USP34: variants seen among roughly 807,000 people sequenced by gnomAD.
USP34 encodes the protein ubiquitin specific peptidase 34, also known as ubiquitin carboxyl-terminal hydrolase 34.
In USP34, 70 loss-of-function variants were observed where a neutral mutation model predicts 460.3. That is an observed-to-expected ratio of 0.15 (90% CI 0.13 to 0.19). The LOEUF (loss-of-function observed/expected upper bound fraction) is 0.19, where lower values mean the gene tolerates loss of function less well. Ranked by LOEUF, USP34 falls within the 10% of genes least tolerant of loss-of-function variation. The pLI is 1.00. For missense variants in USP34, 3,985 were observed against 4,236.2 expected (o/e 0.94, Z 1.65); for synonymous variants, 1,647 against 1,405.3 (o/e 1.17, Z -3.85).
intron 22 of USP34, among the ~76,000 whole-genome samples, chr2:61,318,218 T>C (rs559059692): frequency 1.0e-4 from 15 of 149,784 alleles, no homozygotes; most frequent in East Asian, 7.8e-4. Flanking sequence ...TGAAAATATA[T>C]ATGTGATTTA....
chr2:61,188,422 T>A lies in USP34; in HGVS notation c.10321A>T (p.Asn3441Tyr), dbSNP rs764697278. ...RSQHAEEQSN[N>Y]GRYDDCKEFK... ...TCTTTACAATCGTCATATCTACCAT[T>A]GTTGGACTGTTCTTCTGCATGCTGT... The change falls in exon 80 of 80, where the codon AAT becomes TAT. Residue 3441 changes from asparagine to tyrosine, a missense_variant. By Grantham distance (143) the Asn-to-Tyr change is moderately radical. Transcript: ENST00000398571. 1 of 1,614,242 alleles carries A rather than the reference T, an allele frequency of 6.2e-7. No homozygotes were observed. The highest frequency in any genetic ancestry group is 1.1e-5 in the South Asian group (1 of 91,088).
rs752499920 is a variant in USP34, at chr2:61,246,342, G to A, written c.6530C>T (p.Ala2177Val). 6 of 1,565,434 alleles carry A rather than the reference G, an allele frequency of 3.8e-6. No homozygotes were observed. The South Asian group carries it at 6.1e-5, about 16-fold the overall frequency. The part of the protein sequence containing the change: ...SFIRDIVNPH[A>V]YKNNKWYLFN... ...AACTCACCATTTATTGTTTTTATAA[G>A]CATGGGGATTTACTATATCTCTGAT... Residue 2177 changes from alanine (A) to valine (V), a missense_variant, in exon 50 of 80, where the codon GCT becomes GTT. Ala to Val is a moderately conservative substitution (Grantham distance 64). This residue lies in a region of USP34 where 70 missense variants were observed against 78.1 expected (regional missense o/e 0.90). Transcript: ENST00000398571.
chr2:61,239,014 T>C (rs1263158978), intron 53 of USP34, among the ~76,000 whole-genome samples: 1 of 151,762 alleles, frequency 6.6e-6, no homozygotes, highest in African/African-American at 2.4e-5. Context: ...CTATAACCAG[T>C]ATGATTTTTG....
At chr2:61,337,440 AGTTAT>A (rs1442892049) in intron 18 of USP34, among the ~76,000 whole-genome samples, 3 of 151,430 alleles carry the variant, frequency 2.0e-5, no homozygotes, top group Admixed American at 6.6e-5. Flanking sequence ...AAGAATACGT[AGTTAT>A]GTTATGTTAT....
chr2:61,283,370 G>T, intron 36 of USP34, 39 bp downstream of exon 36: 1 of 1,583,464 alleles, frequency 6.3e-7, no homozygotes. Flanking sequence ...TATTATTCAA[G>T]TTTTTATTTA....
chr2:61,375,768 C>CAAAAAAAAAAAAAAAAA (rs56304309), intron 8 of USP34, among the ~76,000 whole-genome samples: 18 of 80,866 alleles, frequency 2.2e-4, no homozygotes, highest in East Asian at 8.3e-4. Flanking sequence ...GACTCTGTCT[C>CAAAAAAAAAAAAAAAAA]AAAAAAAAAA....
chr2:61,381,447 T>C (rs1692972547), intron 6 of USP34, among the ~76,000 whole-genome samples: 1 of 152,130 alleles, frequency 6.6e-6, no homozygotes, highest in Non-Finnish European at 1.5e-5. Context: ...CAAGTGATCC[T>C]TCCACCTCAG....
At chr2:61,314,206 T>C (rs1430665811) in intron 25 of USP34, among the ~76,000 whole-genome samples, 1 of 152,056 alleles carries the variant, frequency 6.6e-6, no homozygotes, top group East Asian at 1.9e-4. Flanking sequence ...CTCAACTTGA[T>C]TCAACTATGA....
At chr2:61,270,111 C>T (rs531574431) in intron 41 of USP34, among the ~76,000 whole-genome samples, 1 of 152,296 alleles carries the variant, frequency 6.6e-6, no homozygotes, top group South Asian at 2.1e-4. Flanking sequence ...TAAATGTTTT[C>T]GTCACTCTGA....
chr2:61,309,665 C>T (rs1690525938), intron 27 of USP34, among the ~76,000 whole-genome samples: 2 of 152,160 alleles, frequency 1.3e-5, no homozygotes, highest in Non-Finnish European at 1.5e-5. Flanking sequence ...TAGAGGACAT[C>T]CATTTCATCC....
At chr2:61,304,276 C>CT (rs1491443700) in intron 27 of USP34, among the ~76,000 whole-genome samples, 2 of 152,212 alleles carry the variant, frequency 1.3e-5, no homozygotes, top group Non-Finnish European at 2.9e-5. Flanking sequence ...TATTAAAACA[C>CT]TCTCAGTCAT....
chr2:61,377,577 T>C (rs756919708), intron 8 of USP34, among the ~76,000 whole-genome samples: 1 of 152,070 alleles, frequency 6.6e-6, no homozygotes, highest in East Asian at 1.9e-4. Flanking sequence ...GAGACCTCTC[T>C]ACCTCTTTCC....
chr2:61,221,462 C>T (rs764283855), intron 66 of USP34, 40 bp downstream of exon 66: 4 of 1,548,648 alleles, frequency 2.6e-6, no homozygotes, highest in Non-Finnish European at 2.6e-6. Flanking sequence ...ATAAAATCCT[C>T]AGGAAAATAA....
At chr2:61,414,556 G>C (rs1229318272) in intron 2 of USP34, among the ~76,000 whole-genome samples, 1 of 152,224 alleles carries the variant, frequency 6.6e-6, no homozygotes, top group African/African-American at 2.4e-5. Context: ...TGGAATCCAG[G>C]AAACTTGGAG....
At chr2:61,365,651 A>C (rs1051332133) in intron 10 of USP34, among the ~76,000 whole-genome samples, 1 of 152,188 alleles carries the variant, frequency 6.6e-6, no homozygotes, top group Non-Finnish European at 1.5e-5. Flanking sequence ...GGAGTTGAGG[A>C]AAAAGGATTT....
intron 41 of USP34, among the ~76,000 whole-genome samples, chr2:61,269,793 C>A (rs981523073): frequency 1.3e-5 from 2 of 151,898 alleles, no homozygotes; most frequent in Admixed American, 1.3e-4. Flanking sequence ...TCTACTGATA[C>A]ATAATAATTA....
chr2:61,201,719 C>G (rs980995592), intron 75 of USP34, among the ~76,000 whole-genome samples: 1 of 152,054 alleles, frequency 6.6e-6, no homozygotes, highest in Non-Finnish European at 1.5e-5. Context: ...ACAAGACAAC[C>G]CAAAACAGGG....
At chr2:61,237,937 C>A (rs759248925) in intron 53 of USP34, among the ~76,000 whole-genome samples, 1 of 151,612 alleles carries the variant, frequency 6.6e-6, no homozygotes. Context: ...GTTCTTGTTG[C>A]CCAGGCTGGA....
Position 61,228,736 on chromosome 2 carries a change from A to C in USP34, c.7369-17T>G. 1 of 1,598,498 alleles carries C rather than the reference A, an allele frequency of 6.3e-7. No individual in the cohort carries two copies. The highest frequency in any genetic ancestry group is 8.5e-7 in the Non-Finnish European group (1 of 1,174,852). On this transcript the variant is annotated splice_polypyrimidine_tract_variant and intron_variant, in intron 60 of 79. Transcript: ENST00000398571. ...AAATTGGCTCTAAACAAACAAACAA[A>C]CAAAATTTAAAAATATAAAATAAAA...
Sources: allele counts gnomAD v4.1 joint callset (sites outside exome capture counted in the v4.1 genomes callset), GRCh38; gene constraint gnomAD v4.1.1; regional missense constraint gnomAD v4.1.1; transcripts MANE v1.5; gene names NCBI Gene and HGNC (gene_info 2026-07-23, HGNC 2026-07-21).